Variants in CLYBL observed in about 807,000 individuals in gnomAD.
CLYBL encodes the protein citramalyl-CoA lyase.
A neutral mutation model predicts 38.9 loss-of-function variants in CLYBL; 31 were observed. That is an observed-to-expected ratio of 0.80 (90% CI 0.60 to 1.08). CLYBL has a LOEUF of 1.08. Ranked by LOEUF, CLYBL falls within the 50% of genes least tolerant of loss-of-function variation. The pLI is 0.00. For synonymous variants in CLYBL, 171 were observed against 158.6 expected (o/e 1.08, Z -0.59); for missense variants, 434 against 411.6 (o/e 1.05, Z -0.47).
At chr13:99,664,295 C>T (rs1459026393) in intron 1 of CLYBL, among the ~76,000 whole-genome samples, 3 of 152,202 alleles carry the variant, frequency 2.0e-5, no homozygotes, top group African/African-American at 7.2e-5. Context: ...TTTGCTTTTA[C>T]ATTTTCAAAT....
chr13:99,778,408 A>G (rs2049566868), intron 2 of CLYBL, among the ~76,000 whole-genome samples: 3 of 152,178 alleles, frequency 2.0e-5, no homozygotes, highest in Admixed American at 1.3e-4. Context: ...CTTTCTTGGC[A>G]TTATTAAAAT....
At chr13:99,668,283 A>AC (rs1234721091) in intron 1 of CLYBL, among the ~76,000 whole-genome samples, 1 of 147,594 alleles carries the variant, frequency 6.8e-6, no homozygotes, top group African/African-American at 2.5e-5. Flanking sequence ...TAAAAAAAAA[A>AC]AATCTTTAAT....
rs1241664858 is a variant in CLYBL, at chr13:99,751,756, G to A, written c.63-21068G>A. Among the ~76,000 whole-genome samples the A allele has an allele frequency of 3.9e-5, 6 of 152,244 alleles. No individual in the cohort carries two copies. The South Asian group carries it at 6.2e-4, about 16-fold the overall frequency. ...TAGATGGTGGTGGTGATTGCACAACGGTGAGAATGTACTCAGTGTCACTGA... is the reference window on the plus strand; with the variant it reads ...TAGATGGTGGTGGTGATTGCACAACAGTGAGAATGTACTCAGTGTCACTGA... On this transcript the variant is annotated intron_variant, in intron 1 of 8. Transcript: ENST00000339105.
chr13:99,615,114 C>T (rs1459447128), intron 1 of CLYBL, among the ~76,000 whole-genome samples: 1 of 152,222 alleles, frequency 6.6e-6, no homozygotes, highest in Non-Finnish European at 1.5e-5. Flanking sequence ...GTGGGTGAGC[C>T]TGTGCCAAGA....
At chr13:99,768,203 T>C (rs1349980540) in intron 1 of CLYBL, among the ~76,000 whole-genome samples, 7 of 143,758 alleles carry the variant, frequency 4.9e-5, no homozygotes, top group Non-Finnish European at 9.1e-5. Context: ...TTTTTTTTTT[T>C]TTTTTTTTTG....
intron 2 of CLYBL, among the ~76,000 whole-genome samples, chr13:99,788,630 A>G (rs1277701690): frequency 1.3e-5 from 2 of 152,116 alleles, no homozygotes; most frequent in Non-Finnish European, 1.5e-5. Flanking sequence ...TTTTGCACTG[A>G]TGTTCATCAG....
intron 2 of CLYBL, among the ~76,000 whole-genome samples, chr13:99,826,077 T>C (rs1028546690): frequency 3.9e-5 from 6 of 152,238 alleles, no homozygotes; most frequent in Non-Finnish European, 7.3e-5. Flanking sequence ...CTTCACAGTT[T>C]GGAAGAAAGC....
At chr13:99,716,724 A>G (rs2139512526) in intron 1 of CLYBL, among the ~76,000 whole-genome samples, 1 of 149,194 alleles carries the variant, frequency 6.7e-6, no homozygotes, top group South Asian at 2.1e-4. Flanking sequence ...TGCTTTTTTC[A>G]GAAATGAATT....
At chr13:99,682,531 C>G (rs986481796) in intron 1 of CLYBL, among the ~76,000 whole-genome samples, 15 of 152,200 alleles carry the variant, frequency 9.9e-5, no homozygotes, top group East Asian at 5.8e-4. Flanking sequence ...GGAACACTCA[C>G]AGAAGGCTCT....
chr13:99,833,186 C>T lies in CLYBL; in HGVS notation c.250-25675C>T, dbSNP rs1419893257. Among the ~76,000 whole-genome samples the T allele has an allele frequency of 8.0e-5, 12 of 150,172 alleles. No homozygotes were observed. In the East Asian group the frequency reaches 2.2e-3, roughly 27 times the overall value. On this transcript the variant is annotated intron_variant, in intron 2 of 8. Transcript: ENST00000339105. ...CCTCCCAAGTAGCTGGGATTACAGG[C>T]ACCTGCCACCACACCTGGCTAATTT...
Position 99,772,848 on chromosome 13 carries a change from C to A in CLYBL, c.87C>A (p.Ile29=), listed in dbSNP as rs979029712. The A allele has an allele frequency of 6.2e-7, 1 of 1,607,422 alleles. No homozygotes were observed. The highest frequency in any genetic ancestry group is 1.1e-5 in the South Asian group (1 of 88,976). The change falls in exon 2 of 9, where the codon ATC becomes ATA. Residue 29 remains isoleucine, a synonymous_variant. Transcript: ENST00000339105. ...LRLKASLAAD[I]PRLGYSSSSH... ...GGAAAGCGTCTCTAGCAGCTGATAT[C>A]CCCAGACTTGGATATAGTTCCTCAT...
rs146698129 is a variant in CLYBL at position 99,789,940 on chromosome 13, A to G, written c.249+16930A>G. On this transcript the variant is annotated intron_variant, in intron 2 of 8. Transcript: ENST00000339105. ...GTCTTCTTATTAAATTGATCCCTTTACCATTATGTAATGGCCTTCTTTGTC... is the reference window on the plus strand; with the variant it reads ...GTCTTCTTATTAAATTGATCCCTTTGCCATTATGTAATGGCCTTCTTTGTC... 3.0e-3 allele frequency among the ~76,000 whole-genome samples: 464 copies of G among 152,236 alleles called. 1 individual carries two copies. Among genetic ancestry groups the G allele is most frequent in the African/African-American group, 0.01 (421 of 41,522 alleles).
At chr13:99,786,143 A>G (rs977517134) in intron 2 of CLYBL, among the ~76,000 whole-genome samples, 2 of 135,416 alleles carry the variant, frequency 1.5e-5, no homozygotes, top group African/African-American at 2.8e-5. Context: ...TGCCAGACCT[A>G]TTGTTTTCCA....
chr13:99,628,473 T>A (rs1290347230), intron 1 of CLYBL, among the ~76,000 whole-genome samples: 1 of 152,094 alleles, frequency 6.6e-6, no homozygotes, highest in African/African-American at 2.4e-5. Flanking sequence ...AGGCCAGGAG[T>A]GAGAGACATG....
intron 1 of CLYBL, among the ~76,000 whole-genome samples, chr13:99,708,919 C>CCTGT (rs2048185467): frequency 1.3e-5 from 2 of 151,884 alleles, no homozygotes; most frequent in Non-Finnish European, 2.9e-5. Flanking sequence ...ATGGTGAAAC[C>CCTGT]CTGTCTCTAC....
At chr13:99,606,779 C>A in intron 1 of CLYBL, 22 bp downstream of exon 1, 1 of 1,388,614 alleles carries the variant, frequency 7.2e-7, no homozygotes, top group Non-Finnish European at 9.3e-7. Flanking sequence ...TCCCCGTTCC[C>A]CGCCTTCCCG....
At chr13:99,718,488 C>G (rs2048350837) in intron 1 of CLYBL, among the ~76,000 whole-genome samples, 1 of 152,090 alleles carries the variant, frequency 6.6e-6, no homozygotes, top group African/African-American at 2.4e-5. Flanking sequence ...TTTGCTATTT[C>G]CCAAATGCCT....
chr13:99,665,177 A>G (rs1261611395), intron 1 of CLYBL, among the ~76,000 whole-genome samples: 1 of 151,880 alleles, frequency 6.6e-6, no homozygotes. Flanking sequence ...TTTTGGGGCA[A>G]TTCACTGCCG....
chr13:99,641,191 A>G (rs957500097), intron 1 of CLYBL, among the ~76,000 whole-genome samples: 1 of 152,212 alleles, frequency 6.6e-6, no homozygotes, highest in African/African-American at 2.4e-5. Flanking sequence ...TACAACCTCA[A>G]TGATATAAGT....
Sources: allele counts gnomAD v4.1 joint callset (sites outside exome capture counted in the v4.1 genomes callset), GRCh38; gene constraint gnomAD v4.1.1; transcripts MANE v1.5; gene names NCBI Gene and HGNC (gene_info 2026-07-23, HGNC 2026-07-21).